SLC38A1: variants seen among roughly 807,000 people sequenced by gnomAD.
The protein encoded by SLC38A1 is sodium-coupled neutral amino acid symporter 1.
In SLC38A1, 18 loss-of-function variants were observed where a neutral mutation model predicts 60.3. The ratio of observed to expected loss-of-function variants is 0.30; its 90% CI spans 0.21 to 0.44. The LOEUF (loss-of-function observed/expected upper bound fraction) is 0.44. Among genes scored for constraint, SLC38A1 ranks in the 20% least tolerant of loss-of-function variants. The pLI, the probability that SLC38A1 is intolerant of heterozygous loss-of-function variation, is 1.00. For synonymous variants in SLC38A1, 196 were observed against 212.1 expected, an observed-to-expected ratio of 0.92 and a Z score of 0.66; for missense variants, 448 against 587.2, an observed-to-expected ratio of 0.76 and a Z score of 2.45.
chr12:46,217,545 T>C (rs1448770523), intron 5 of SLC38A1, among the ~76,000 whole-genome samples: 1 of 152,234 alleles, frequency 6.6e-6, no homozygotes, highest in Non-Finnish European at 1.5e-5. Context: ...CAAGTGACAG[T>C]ATTATTATTT....
At chr12:46,231,803 C>A (rs1016866723) in intron 3 of SLC38A1, among the ~76,000 whole-genome samples, 1 of 152,150 alleles carries the variant, frequency 6.6e-6, no homozygotes, top group Non-Finnish European at 1.5e-5. Flanking sequence ...CCACGCCCAG[C>A]TAATTTTTGT....
chr12:46,230,123 G>A (rs1344430089), intron 3 of SLC38A1, among the ~76,000 whole-genome samples: 1 of 152,222 alleles, frequency 6.6e-6, no homozygotes, highest in South Asian at 2.1e-4. Context: ...CTAGAGGCAA[G>A]TTTTCTTTTG....
chr12:46,253,923 G>A (rs1324373361), intron 1 of SLC38A1, among the ~76,000 whole-genome samples: 1 of 152,140 alleles, frequency 6.6e-6, no homozygotes, highest in Non-Finnish European at 1.5e-5. Context: ...GAAAGCATCA[G>A]TATGGTGAGG....
chr12:46,243,020 T>C (rs1300761261), intron 2 of SLC38A1, among the ~76,000 whole-genome samples, 180 bp downstream of exon 2: 1 of 152,002 alleles, frequency 6.6e-6, no homozygotes, highest in Non-Finnish European at 1.5e-5. Flanking sequence ...TTGAGTATCA[T>C]ATTGTAAGCA....
chr12:46,200,812 GT>G (rs1400872129), intron 13 of SLC38A1, among the ~76,000 whole-genome samples: 1 of 152,112 alleles, frequency 6.6e-6, no homozygotes, highest in African/African-American at 2.4e-5. Context: ...CTCTGATGTA[GT>G]TTTAAACCTT....
intron 2 of SLC38A1, among the ~76,000 whole-genome samples, chr12:46,242,389 T>C (rs1408491188): frequency 6.6e-6 from 1 of 152,136 alleles, no homozygotes; most frequent in Non-Finnish European, 1.5e-5. Context: ...TGAAAAAGCT[T>C]AAAAAATGTT....
At chr12:46,189,137 A>T in intron 16 of SLC38A1, 66 bp from the exon 17 acceptor site, 2 of 1,172,898 alleles carry the variant, frequency 1.7e-6, no homozygotes, top group Admixed American at 3.5e-5. Context: ...TACCTGGGGA[A>T]AAAAAATAGA....
rs886359443 is a variant in SLC38A1, at chr12:46,189,183, CAG to C, written c.1363-114_1363-113del. The C allele has an allele frequency of 2.6e-5, 18 of 689,554 alleles. No individual in the cohort carries two copies. The African/African-American group carries it at 3.0e-4, about 12-fold the overall frequency. The allele number at this position is 689,554 out of a possible 1,614,324, so 42.7% of individuals were successfully genotyped here. A position where few individuals can be genotyped will look rare whatever the true frequency, so the allele number is the denominator to read the frequency against. Reference sequence around the variant, plus strand: ...CTCTCCCTTTGTGTCCTCTGGTATTCAGAGTTTGTCACAACCATGGCTGAACT... The same window carrying C: ...CTCTCCCTTTGTGTCCTCTGGTATTCAGTTTGTCACAACCATGGCTGAACT... On this transcript the variant is annotated intron_variant, in intron 16 of 16. Coordinates refer to ENST00000398637, the MANE Select transcript of SLC38A1 (RefSeq NM_030674.4).
chr12:46,198,115 C>G (rs1939471175), intron 14 of SLC38A1, 55 bp from the exon 15 acceptor site: 2 of 1,570,576 alleles, frequency 1.3e-6, no homozygotes, highest in African/African-American at 2.7e-5. Context: ...CCAACATTGA[C>G]ATTTCTCTGC....
intron 5 of SLC38A1, among the ~76,000 whole-genome samples, chr12:46,222,948 G>C (rs1290883815): frequency 6.6e-6 from 1 of 152,180 alleles, no homozygotes; most frequent in African/African-American, 2.4e-5. Flanking sequence ...ATGGTTATTG[G>C]TGGAACACTA....
chr12:46,225,878 G>A (rs1266630721), intron 5 of SLC38A1, among the ~76,000 whole-genome samples: 1 of 152,086 alleles, frequency 6.6e-6, no homozygotes, highest in East Asian at 1.9e-4. Context: ...TACACAAATG[G>A]CCCTGTTTCT....
At chr12:46,229,361 T>G in intron 4 of SLC38A1, 93 bp from the exon 5 acceptor site, 1 of 897,440 alleles carries the variant, frequency 1.1e-6, no homozygotes, top group South Asian at 1.5e-5. Flanking sequence ...GGAACCAATA[T>G]GGAAGTAAAA....
intron 5 of SLC38A1, among the ~76,000 whole-genome samples, chr12:46,212,442 A>G (rs530980225): frequency 6.6e-6 from 1 of 152,366 alleles, no homozygotes; most frequent in South Asian, 2.1e-4. Flanking sequence ...GGGACTACAG[A>G]TCAGCAATTG....
intron 5 of SLC38A1, among the ~76,000 whole-genome samples, chr12:46,221,429 G>C (rs1940653921): frequency 6.6e-6 from 1 of 152,114 alleles, no homozygotes; most frequent in African/African-American, 2.4e-5. Flanking sequence ...TAGGAAAGTA[G>C]ACAATGAGCA....
At chr12:46,255,755 A>G (rs917048570) in intron 1 of SLC38A1, among the ~76,000 whole-genome samples, 1 of 152,228 alleles carries the variant, frequency 6.6e-6, no homozygotes, top group African/African-American at 2.4e-5. Context: ...AGAAGTGCAG[A>G]TAAGGACTGA....
At chr12:46,197,116 A>G (rs772921181) in intron 16 of SLC38A1, among the ~76,000 whole-genome samples, 3 of 152,296 alleles carry the variant, frequency 2.0e-5, no homozygotes, top group African/African-American at 7.2e-5. Flanking sequence ...ACACTGTCCT[A>G]TAGAGACACA....
At chr12:46,195,675 C>A (rs1939339961) in intron 16 of SLC38A1, 2 of 163,910 alleles carry the variant, frequency 1.2e-5, no homozygotes, top group Non-Finnish European at 2.7e-5. Flanking sequence ...CCTCTCCCTG[C>A]ATCAAGCTGC....
intron 9 of SLC38A1, among the ~76,000 whole-genome samples, chr12:46,204,819 A>T (rs1299982445): frequency 6.6e-6 from 1 of 152,220 alleles, no homozygotes; most frequent in East Asian, 1.9e-4. Context: ...GGCTCTGAAT[A>T]GAAACATTAT....
At chr12:46,226,103 G>A (rs1940853690) in intron 5 of SLC38A1, among the ~76,000 whole-genome samples, 6 of 152,082 alleles carry the variant, frequency 3.9e-5, no homozygotes, top group Admixed American at 3.9e-4. Flanking sequence ...TTCTAGGTAT[G>A]ACATATTGAG....
Sources: gnomAD v4.1 joint callset for allele counts (sites outside exome capture counted in the v4.1 genomes callset) on GRCh38, gnomAD v4.1.1 for gene constraint, MANE v1.5 for transcripts, NCBI Gene and HGNC (gene_info 2026-07-23, HGNC 2026-07-21) for gene names.